LRP1: variants seen among roughly 807,000 people sequenced by gnomAD.
LRP1 encodes prolow-density lipoprotein receptor-related protein 1.
In LRP1, 51 loss-of-function variants were observed where a neutral mutation model predicts 541.5. The observed-to-expected ratio is 0.09, with a 90% CI of 0.08 to 0.12. The LOEUF (loss-of-function observed/expected upper bound fraction) is 0.12. Ranked by LOEUF, LRP1 falls within the 10% of genes least tolerant of loss-of-function variation. The probability of loss-of-function intolerance (pLI) is 1.00; values close to 1 mark genes in which losing one functional copy is unlikely to be tolerated. For synonymous variants in LRP1, 2,219 were observed against 2,470.8 expected (o/e 0.90, Z 3.02); for missense variants, 3,878 against 6,376.2 (o/e 0.61, Z 13.34).
At chr12:57,208,374 GCC>G in intron 77 of LRP1, 158 bp downstream of exon 77, 1 of 782,760 alleles carries the variant, frequency 1.3e-6, no homozygotes, top group Non-Finnish European at 2.0e-6. Context: ...CCCCTGCCTG[GCC>G]CTCCCCATGC....
At chr12:57,187,643 C>A (rs1349648803) in intron 42 of LRP1, among the ~76,000 whole-genome samples, 187 bp downstream of exon 42, 1 of 152,184 alleles carries the variant, frequency 6.6e-6, no homozygotes. Context: ...TTCTGTGATA[C>A]AAGCTGGCTA....
chr12:57,191,155 C>A, intron 43 of LRP1, 146 bp downstream of exon 43: 1 of 1,112,124 alleles, frequency 9.0e-7, no homozygotes, highest in Non-Finnish European at 1.3e-6. Flanking sequence ...TCGGTCAACC[C>A]CACCCTGTCC....
intron 48 of LRP1, 85 bp from the exon 49 acceptor site, chr12:57,194,269 T>G: frequency 6.9e-7 from 1 of 1,445,586 alleles, no homozygotes; most frequent in Non-Finnish European, 9.2e-7. Context: ...TGGAAACACA[T>G]GAAGGCTCCA....
In LRP1 at chr12:57,198,257, G is replaced by A. The variant is rs1397065624; in HGVS notation, c.9384G>A (p.Val3128=). ...WCDKGRDTIE[V]SKLNGAYRTV... ...ACAAAGGCCGGGACACCATCGAGGT[G>A]TCCAAGCTCAATGGGGCCTATCGGA... Residue 3128 remains valine (V), a synonymous_variant, in exon 59 of 89, where the codon GTG becomes GTA. Coordinates refer to ENST00000243077, the MANE Select transcript of LRP1 (RefSeq NM_002332.3). 1 of 1,613,864 alleles carries A rather than the reference G, an allele frequency of 6.2e-7. No homozygotes were observed. Among genetic ancestry groups the A allele is most frequent in the Admixed American group, 1.7e-5 (1 of 59,990 alleles).
At chr12:57,140,455 T>A (rs534112784) in intron 2 of LRP1, among the ~76,000 whole-genome samples, 6 of 152,372 alleles carry the variant, frequency 3.9e-5, no homozygotes, top group African/African-American at 1.4e-4. Flanking sequence ...TTTAGTACAG[T>A]GTATTCATAT....
chr12:57,200,718 C>G lies in LRP1; in HGVS notation c.10128C>G (p.Pro3376=). ...TGGCAGCTGAGTTCAAGTGCCGGCC[C>G]GGACAGTTCCAGTGCTCCACAGGTA... The part of the protein sequence containing the change: ...PPDCPEFKCR[P]GQFQCSTGIC... Residue 3376 remains proline (P), a synonymous_variant, in exon 64 of 89, where the codon CCC becomes CCG. Coordinates refer to ENST00000243077, the MANE Select transcript of LRP1 (RefSeq NM_002332.3). The G allele has an allele frequency of 1.2e-6, 2 of 1,613,934 alleles. No homozygotes were observed. Among genetic ancestry groups the G allele is most frequent in the Non-Finnish European group, 1.7e-6 (2 of 1,180,000 alleles).
In LRP1 at chr12:57,208,730, T is replaced by G. The variant is rs745362196; in HGVS notation, c.12058T>G (p.Trp4020Gly). The change falls in exon 78 of 89, where the codon TGG becomes GGG. Residue 4020 changes from tryptophan (W) to glycine (G), a missense_variant. By Grantham distance (184) the Trp-to-Gly change is radical. Transcript: ENST00000243077. ...CCCCAGGACCATGTACTGGTCAGAC[T>G]GGGGCAACCACCCCAAGATTGAGAC... is the stretch of plus-strand genomic sequence containing the variant. ...PLRGTMYWSDWGNHPKIETAA... is the reference protein window; with the variant it reads ...PLRGTMYWSDGGNHPKIETAA... The G allele has an allele frequency of 6.8e-6, 11 of 1,613,774 alleles. No homozygotes were observed. Among genetic ancestry groups the G allele is most frequent in the Non-Finnish European group, 9.3e-6 (11 of 1,179,840 alleles).
chr12:57,195,182 C>A (rs1207776269), intron 51 of LRP1, 81 bp downstream of exon 51: 5 of 1,577,046 alleles, frequency 3.2e-6, no homozygotes, highest in Non-Finnish European at 3.4e-6. Flanking sequence ...ACACAGACAC[C>A]CCTGCAGACG....
chr12:57,203,865 C>T, intron 70 of LRP1: 2 of 287,336 alleles, frequency 7.0e-6, no homozygotes, highest in South Asian at 9.5e-5. Flanking sequence ...AGAAGAAAAG[C>T]CCTGCCTATT....
chr12:57,131,649 C>T (rs2035041875), intron 1 of LRP1, among the ~76,000 whole-genome samples: 1 of 152,172 alleles, frequency 6.6e-6, no homozygotes, highest in Admixed American at 6.5e-5. Context: ...GCCTCGTTGT[C>T]TTTTAAAGCA....
rs527819570 is a variant in LRP1 at position 57,185,548 on chromosome 12, G to C, written c.6481G>C (p.Val2161Leu). The C allele has an allele frequency of 2.4e-5, 38 of 1,595,878 alleles. 1 individual carries two copies. In the South Asian group the frequency reaches 4.0e-4, roughly 17 times the overall value. The change falls in exon 41 of 89, where the codon GTG becomes CTG. Residue 2161 changes from valine (V) to leucine (L), a missense_variant. Transcript: ENST00000243077. The surrounding 1 kb of genome is among the most constrained non-coding windows in gnomAD (Gnocchi z 4.9). ...DRQKGTNVCA[V>L]ANGGCQQLCL... Reference sequence around the variant, plus strand: ...TCCCCCAGGCACCAACGTGTGCGCGGTGGCCAATGGCGGGTGCCAGCAGCT... The same window carrying C: ...TCCCCCAGGCACCAACGTGTGCGCGCTGGCCAATGGCGGGTGCCAGCAGCT...
In LRP1 at chr12:57,197,134, C is replaced by T. The variant is rs1474055121; in HGVS notation, c.9045C>T (p.Gly3015=). Residue 3015 remains glycine, a synonymous_variant, in exon 56 of 89, where the codon GGC becomes GGT. Transcript: ENST00000243077. This position sits in a 1 kb window ranked among gnomAD's most constrained non-coding sequence, Gnocchi z 4.5. ...CLCVEGYAPR[G]GDPHSCKAVT... is the part of the protein sequence containing the mutation. The stretch of plus-strand genomic sequence containing the variant: ...GTGTGGAGGGCTATGCACCCCGCGG[C>T]GGCGACCCCCACAGCTGCAAGGCTG... The T allele has an allele frequency of 9.3e-6, 15 of 1,613,826 alleles. No homozygotes were observed. The highest frequency in any genetic ancestry group is 1.3e-5 in the African/African-American group (1 of 74,918).
Position 57,204,794 on chromosome 12 carries a change from A to G in LRP1, c.11194+45A>G. 1 of 1,607,610 alleles carries G rather than the reference A, an allele frequency of 6.2e-7. No individual in the cohort carries two copies. The highest frequency in any genetic ancestry group is 1.3e-5 in the African/African-American group (1 of 74,948). On this transcript the variant is annotated intron_variant, in intron 72 of 88. Coordinates refer to ENST00000243077, the MANE Select transcript of LRP1 (RefSeq NM_002332.3). This position sits in a 1 kb window ranked among gnomAD's most constrained non-coding sequence, Gnocchi z 5.3. ...GAGGCCTGCAGGGGACGGGTAGTGC[A>G]CAGTGGGGTGAGTCTGGTCCTCGTG...
rs765260940 is a variant in LRP1 at position 57,212,004 on chromosome 12, C to T, written c.13336C>T (p.Arg4446Trp). 22 of 1,613,960 alleles carry T rather than the reference C, an allele frequency of 1.4e-5. No individual in the cohort carries two copies. In the South Asian group the frequency reaches 1.4e-4, roughly 10 times the overall value. Residue 4446 changes from arginine to tryptophan, a missense_variant, in exon 87 of 89, where the codon CGG becomes TGG. This residue lies in a region of LRP1 where 871 missense variants were observed against 1,212.4 expected (regional missense o/e 0.72). Coordinates refer to ENST00000243077, the MANE Select transcript of LRP1 (RefSeq NM_002332.3). This position sits in a 1 kb window ranked among gnomAD's most constrained non-coding sequence, Gnocchi z 5.0. ...LVAGVVFWYK[R>W]RVQGAKGFQH... ...GGCCGGAGTGGTATTCTGGTATAAG[C>T]GGCGAGTCCAAGGGTGAGTCACAGG...
At chr12:57,202,247 C>T (rs948405422) in intron 67 of LRP1, among the ~76,000 whole-genome samples, 174 bp from the exon 68 acceptor site, 5 of 152,092 alleles carry the variant, frequency 3.3e-5, no homozygotes, top group African/African-American at 1.2e-4. Flanking sequence ...GTCTCCTGTC[C>T]CCAAACCTCC....
At position 57,129,171 on chromosome 12, in the gene LRP1, A is replaced by AC; in HGVS notation, c.67+141dup. 10 of 911,584 alleles carry AC rather than the reference A, an allele frequency of 1.1e-5. No individual in the cohort carries two copies. In the South Asian group the frequency reaches 1.5e-4, roughly 14 times the overall value. The allele number at this position is 911,584 out of a possible 1,614,324, so 56.5% of individuals were successfully genotyped here. ...GTCCAGCTGACACAGCAGCGGCCCG[A>AC]CTGGGGGCGGGGATGGGGTCCGATT... On this transcript the variant is annotated intron_variant, in intron 1 of 88. Transcript: ENST00000243077.
chr12:57,142,918 C>T (rs1355182920), intron 3 of LRP1, among the ~76,000 whole-genome samples: 1 of 152,066 alleles, frequency 6.6e-6, no homozygotes, highest in African/African-American at 2.4e-5. Flanking sequence ...GCTCTCTCTC[C>T]TAGGTGGGGG....
chr12:57,165,679 G>A lies in LRP1; in HGVS notation c.2531-126G>A. On this transcript the variant is annotated intron_variant, in intron 15 of 88. Transcript: ENST00000243077. The surrounding 1 kb of genome is among the most constrained non-coding windows in gnomAD (Gnocchi z 4.5). ...GATAATTTGTTTCATGAGGAATTTTGTACTAGAAAAAATTACTTTGTATTA... is the reference window on the plus strand; with the variant it reads ...GATAATTTGTTTCATGAGGAATTTTATACTAGAAAAAATTACTTTGTATTA... 1.1e-6 allele frequency: 1 copy of A among 905,900 alleles called. No homozygotes were observed. The highest frequency in any genetic ancestry group is 1.8e-5 in the South Asian group (1 of 56,646). 56.1% of individuals were successfully genotyped at this position (905,900 alleles called of 1,614,324 possible). A position where few individuals can be genotyped will look rare whatever the true frequency, so the allele number is the denominator to read the frequency against.
In LRP1 at chr12:57,195,817, T is replaced by C. The variant is rs1276444124; in HGVS notation, c.8560+37T>C. 6 of 1,613,882 alleles carry C rather than the reference T, an allele frequency of 3.7e-6. No homozygotes were observed. The Admixed American group carries it at 6.7e-5, about 18-fold the overall frequency. ...GCGGTGGTGGGAGGAGGCCCTGCCC[T>C]CTGCCGGGCCAGGGCATCAGCCTCA... is the stretch of plus-strand genomic sequence containing the variant. On this transcript the variant is annotated intron_variant, in intron 53 of 88. Coordinates refer to ENST00000243077, the MANE Select transcript of LRP1 (RefSeq NM_002332.3).
Sources: allele counts gnomAD v4.1 joint callset (sites outside exome capture counted in the v4.1 genomes callset), GRCh38; gene constraint gnomAD v4.1.1; regional missense constraint gnomAD v4.1.1; non-coding constraint Gnocchi (gnomAD v3.1); transcripts MANE v1.5; gene names NCBI Gene and HGNC (gene_info 2026-07-23, HGNC 2026-07-21).